The following NWD2 variants were observed in gnomAD, a reference collection of about 807,000 sequenced individuals.
The protein encoded by NWD2 is NACHT and WD repeat domain containing 2.
A neutral mutation model predicts 132.7 loss-of-function variants in NWD2; 37 were observed. The observed-to-expected ratio is 0.28, with a 90% confidence interval of 0.21 to 0.37. The LOEUF (loss-of-function observed/expected upper bound fraction) is 0.37. NWD2 is among the 10% of genes least tolerant of loss of function. NWD2 has a pLI of 1.00. For missense variants in NWD2, 1,592 were observed against 2,122.4 expected (o/e 0.75, Z 4.91); for synonymous variants, 705 against 803.0 (o/e 0.88, Z 2.06).
chr4:37,253,379 G>A (rs957347870), intron 1 of NWD2, among the ~76,000 whole-genome samples: 1 of 152,184 alleles, frequency 6.6e-6, no homozygotes, highest in Admixed American at 6.5e-5. Context: ...TGGACCTCCA[G>A]AGACCCTCCA....
intron 3 of NWD2, among the ~76,000 whole-genome samples, chr4:37,388,440 T>A (rs1720612677): frequency 6.6e-6 from 1 of 152,076 alleles, no homozygotes; most frequent in East Asian, 1.9e-4. Flanking sequence ...CACCTCAGCA[T>A]CCCAAAGTGC....
chr4:37,313,855 C>T (rs537239522), intron 1 of NWD2, among the ~76,000 whole-genome samples: 85 of 150,962 alleles, frequency 5.6e-4, no homozygotes, highest in East Asian at 2.3e-3. Flanking sequence ...CCTGCCCACA[C>T]GCCCTCCTAA....
intron 1 of NWD2, among the ~76,000 whole-genome samples, chr4:37,312,904 G>T (rs1408253441): frequency 6.6e-6 from 1 of 151,038 alleles, no homozygotes; most frequent in Non-Finnish European, 1.5e-5. Flanking sequence ...TTTTGTCTTT[G>T]GTTCTGTTTA....
chr4:37,377,823 GTATA>G (rs1307313629), intron 3 of NWD2, among the ~76,000 whole-genome samples: 5 of 152,030 alleles, frequency 3.3e-5, no homozygotes, highest in Non-Finnish European at 7.4e-5. Flanking sequence ...TAACTTAAAA[GTATA>G]TGTTTAATTT....
At chr4:37,300,361 G>T (rs1389453660) in intron 1 of NWD2, among the ~76,000 whole-genome samples, 2 of 152,128 alleles carry the variant, frequency 1.3e-5, no homozygotes, top group Non-Finnish European at 2.9e-5. Context: ...AACTGTGTAA[G>T]TGAACTCATG....
At chr4:37,382,698 A>G (rs1720477351) in intron 3 of NWD2, among the ~76,000 whole-genome samples, 1 of 151,544 alleles carries the variant, frequency 6.6e-6, no homozygotes, top group Non-Finnish European at 1.5e-5. Context: ...ATATTTATTT[A>G]TTTATTTATT....
intron 1 of NWD2, among the ~76,000 whole-genome samples, chr4:37,302,649 G>A (rs552866289): frequency 6.6e-6 from 1 of 151,764 alleles, no homozygotes; most frequent in Admixed American, 6.6e-5. Context: ...TTTGATAATA[G>A]CCATTTTAAC....
rs115279749 is a variant in NWD2 at position 37,327,997 on chromosome 4, T to G, written c.240+1973T>G. 8.4e-3 allele frequency among the ~76,000 whole-genome samples: 1,279 copies of G among 152,252 alleles called. 14 individuals carry two copies. Among genetic ancestry groups the G allele is most frequent in the African/African-American group, 0.029 (1,217 of 41,550 alleles). Reference sequence around the variant, plus strand: ...CTTTTCAGTCTGGTTCTTCCCCTGCTTCACCTCCTGGATTCTACTCATTCT... The same window carrying G: ...CTTTTCAGTCTGGTTCTTCCCCTGCGTCACCTCCTGGATTCTACTCATTCT... On this transcript the variant is annotated intron_variant, in intron 2 of 6. Transcript: ENST00000309447.
intron 2 of NWD2, among the ~76,000 whole-genome samples, chr4:37,345,556 C>T (rs573665349): frequency 2.6e-5 from 4 of 151,846 alleles, no homozygotes; most frequent in African/African-American, 4.8e-5. Flanking sequence ...GTTATTTGTC[C>T]TTTTATTACT....
At chr4:37,361,796 C>G (rs1320362881) in intron 3 of NWD2, among the ~76,000 whole-genome samples, 1 of 152,132 alleles carries the variant, frequency 6.6e-6, no homozygotes, top group Admixed American at 6.6e-5. Flanking sequence ...CACTCCTATT[C>G]AACACAGTAC....
intron 3 of NWD2, among the ~76,000 whole-genome samples, chr4:37,396,099 T>G (rs1464127589): frequency 6.6e-6 from 1 of 152,210 alleles, no homozygotes; most frequent in African/African-American, 2.4e-5. Context: ...GTTGTACAAA[T>G]TTAAGCCAAC....
chr4:37,337,190 T>A (rs1398416132), intron 2 of NWD2, among the ~76,000 whole-genome samples: 1 of 152,206 alleles, frequency 6.6e-6, no homozygotes, highest in Non-Finnish European at 1.5e-5. Context: ...AAACTTAATT[T>A]GAAATCAAGA....
chr4:37,374,192 T>C (rs1184771794), intron 3 of NWD2, among the ~76,000 whole-genome samples: 1 of 152,200 alleles, frequency 6.6e-6, no homozygotes, highest in African/African-American at 2.4e-5. Context: ...ATGTGAGAGC[T>C]GATTTAAAGA....
Position 37,446,306 on chromosome 4 carries a change from C to A in NWD2, c.4318C>A (p.Gln1440Lys), listed in dbSNP as rs1164752301. The A allele has an allele frequency of 6.4e-7, 1 of 1,551,822 alleles. No homozygotes were observed. Among genetic ancestry groups the A allele is most frequent in the South Asian group, 1.2e-5 (1 of 84,058 alleles). Residue 1440 changes from glutamine to lysine, a missense_variant, in exon 7 of 7, where the codon CAG (glutamine) becomes AAG (lysine). Around this residue, in one of 7 missense-constraint regions of NWD2, gnomAD observed 24 missense variants for 65.2 expected, o/e 0.37. Coordinates refer to ENST00000309447, the MANE Select transcript of NWD2 (RefSeq NM_001144990.2). The surrounding 1 kb of genome is among the most constrained non-coding windows in gnomAD (Gnocchi z 6.7). ...HRVCNILTTLQNAFITSANTF... is the reference protein window; with the variant it reads ...HRVCNILTTLKNAFITSANTF... ...GGTCTGCAACATTCTGACCACTTTG[C>A]AGAATGCCTTTATTACCTCCGCAAA... is the stretch of plus-strand genomic sequence containing the variant.
At chr4:37,337,236 C>T (rs896110854) in intron 2 of NWD2, among the ~76,000 whole-genome samples, 4 of 152,092 alleles carry the variant, frequency 2.6e-5, no homozygotes, top group African/African-American at 9.7e-5. Context: ...CCTTTTATTT[C>T]GGAATCTTAA....
intron 1 of NWD2, among the ~76,000 whole-genome samples, chr4:37,271,747 C>T (rs1717875038): frequency 6.6e-6 from 1 of 151,740 alleles, no homozygotes; most frequent in Admixed American, 6.6e-5. Flanking sequence ...GATGGGCAGA[C>T]ATTTTTTCCT....
rs73240367 is a variant in NWD2, at chr4:37,314,241, C to T, written c.152-11695C>T. Among the ~76,000 whole-genome samples the T allele has an allele frequency of 2.5e-3, 386 of 151,954 alleles. 1 individual carries two copies. The highest frequency in any genetic ancestry group is 6.5e-3 in the South Asian group (31 of 4,806). On this transcript the variant is annotated intron_variant, in intron 1 of 6. Coordinates refer to ENST00000309447, the MANE Select transcript of NWD2 (RefSeq NM_001144990.2). ...CTATATTCATGATGGATATATTGGT[C>T]GGTAGTTTTTGTTTTGTGTTTTTTT...
chr4:37,356,353 C>A lies in NWD2; in HGVS notation c.241-13C>A, dbSNP rs781490776. On this transcript the variant is annotated splice_polypyrimidine_tract_variant and intron_variant, in intron 2 of 6. Transcript: ENST00000309447. ...CACATGTAAACTAATGCTCTTCATC[C>A]ATCTGTCCCCAGGTCATAGATCTGT... The A allele has an allele frequency of 2.3e-5, 32 of 1,400,970 alleles. No individual in the cohort carries two copies. In the South Asian group the frequency reaches 4.0e-4, roughly 18 times the overall value. 86.8% of individuals were successfully genotyped at this position (1,400,970 alleles called of 1,614,324 possible).
At chr4:37,326,249 C>T (rs760886300) in intron 2 of NWD2, among the ~76,000 whole-genome samples, 16 of 152,090 alleles carry the variant, frequency 1.1e-4, no homozygotes, top group Non-Finnish European at 2.4e-4. Flanking sequence ...CTGGTATGGG[C>T]TCATCTTTTT....
Sources: allele counts gnomAD v4.1 joint callset (sites outside exome capture counted in the v4.1 genomes callset), GRCh38; gene constraint gnomAD v4.1.1; regional missense constraint gnomAD v4.1.1; non-coding constraint Gnocchi (gnomAD v3.1); transcripts MANE v1.5; gene names NCBI Gene and HGNC (gene_info 2026-07-23, HGNC 2026-07-21).